TAFA1: variants seen among roughly 807,000 people sequenced by gnomAD.
TAFA1 encodes TAFA chemokine like family member 1.
Under a neutral mutation model 18.5 loss-of-function variants are expected in TAFA1, and 4 were observed. The observed-to-expected ratio is 0.22, with a 90% CI of 0.11 to 0.49. The LOEUF (loss-of-function observed/expected upper bound fraction) is 0.49. Ranked by LOEUF, TAFA1 falls within the 20% of genes least tolerant of loss-of-function variation. TAFA1 has a pLI of 0.98. For missense variants in TAFA1, 147 were observed against 169.0 expected (o/e 0.87, Z 0.72); for synonymous variants, 56 against 55.2 (o/e 1.01, Z -0.06).
intron 2 of TAFA1, among the ~76,000 whole-genome samples, chr3:68,162,052 C>G (rs2065931272): frequency 6.6e-6 from 1 of 152,192 alleles, no homozygotes; most frequent in African/African-American, 2.4e-5. Flanking sequence ...GTTCTCTACT[C>G]TTTGGCTCTT....
chr3:68,230,480 CA>C (rs2066859443), intron 2 of TAFA1, among the ~76,000 whole-genome samples: 1 of 152,134 alleles, frequency 6.6e-6, no homozygotes, highest in African/African-American at 2.4e-5. Context: ...AATAGTATTT[CA>C]TTGTGTATAT....
intron 2 of TAFA1, among the ~76,000 whole-genome samples, chr3:68,340,563 C>A (rs746090063): frequency 6.6e-6 from 1 of 152,138 alleles, no homozygotes; most frequent in Admixed American, 6.5e-5. Flanking sequence ...CTGACCTCTC[C>A]CCCTGGAGTT....
intron 2 of TAFA1, among the ~76,000 whole-genome samples, chr3:68,346,853 A>G (rs1476981145): frequency 6.6e-6 from 1 of 152,190 alleles, no homozygotes; most frequent in African/African-American, 2.4e-5. Context: ...ATGTTTTAGT[A>G]TGCTGGGGTG....
intron 2 of TAFA1, among the ~76,000 whole-genome samples, chr3:68,043,283 G>A (rs1296904096): frequency 1.3e-5 from 2 of 152,192 alleles, no homozygotes; most frequent in Non-Finnish European, 2.9e-5. Flanking sequence ...TGATTCTGCT[G>A]CTACTTACTT....
intron 3 of TAFA1, among the ~76,000 whole-genome samples, chr3:68,478,120 C>T (rs1037922365): frequency 6.6e-6 from 1 of 152,190 alleles, no homozygotes; most frequent in African/African-American, 2.4e-5. Context: ...CAGACGTATT[C>T]CTTGTGATTC....
chr3:67,997,908 C>A, the TAFA1 span, among the ~76,000 whole-genome samples: 1 of 151,846 alleles, frequency 6.6e-6, no homozygotes, highest in South Asian at 2.1e-4. Context: ...GAAACAAAAG[C>A]ACAATACTTT....
At chr3:68,378,119 C>G (rs926004327) in intron 2 of TAFA1, among the ~76,000 whole-genome samples, 5 of 152,188 alleles carry the variant, frequency 3.3e-5, no homozygotes, top group African/African-American at 4.8e-5. Flanking sequence ...CCCACTAGGG[C>G]ACTGCCTAGG....
intron 2 of TAFA1, among the ~76,000 whole-genome samples, chr3:68,279,882 G>A (rs972317896): frequency 1.2e-4 from 18 of 152,034 alleles, no homozygotes; most frequent in African/African-American, 4.3e-4. Flanking sequence ...CTTGACTTTG[G>A]AGAAATTTCA....
chr3:68,005,852 G>C (rs1301828912), intron 1 of TAFA1, among the ~76,000 whole-genome samples: 2 of 152,158 alleles, frequency 1.3e-5, no homozygotes, highest in Admixed American at 6.5e-5. Flanking sequence ...ATCCTCATAG[G>C]TGCAGATAAG....
chr3:68,319,403 C>G (rs1244672677), intron 2 of TAFA1, among the ~76,000 whole-genome samples: 1 of 152,044 alleles, frequency 6.6e-6, no homozygotes, highest in Non-Finnish European at 1.5e-5. Flanking sequence ...ATGACTGATG[C>G]TTGGTTGGGG....
At chr3:68,084,127 G>A (rs2064941843) in intron 2 of TAFA1, among the ~76,000 whole-genome samples, 1 of 152,126 alleles carries the variant, frequency 6.6e-6, no homozygotes, top group Admixed American at 6.5e-5. Context: ...TGATGTGATG[G>A]GTATACTACA....
chr3:68,061,362 CT>C (rs1324540807), intron 2 of TAFA1, among the ~76,000 whole-genome samples: 3 of 152,112 alleles, frequency 2.0e-5, no homozygotes, highest in Non-Finnish European at 2.9e-5. Context: ...TTCAGGAATT[CT>C]ACATGTAATT....
intron 2 of TAFA1, among the ~76,000 whole-genome samples, chr3:68,104,478 A>T (rs2065183108): frequency 6.6e-6 from 1 of 152,012 alleles, no homozygotes; most frequent in South Asian, 2.1e-4. Context: ...CCTAGAATAT[A>T]TATAGTCTGC....
At chr3:68,503,810 G>A (rs1435435054) in intron 3 of TAFA1, among the ~76,000 whole-genome samples, 2 of 152,104 alleles carry the variant, frequency 1.3e-5, no homozygotes, top group Non-Finnish European at 2.9e-5. Flanking sequence ...TGGAAAGAGA[G>A]TTAATGGAAC....
At chr3:68,413,648 G>A (rs1180521494) in intron 2 of TAFA1, among the ~76,000 whole-genome samples, 4 of 152,066 alleles carry the variant, frequency 2.6e-5, no homozygotes, top group Admixed American at 6.6e-5. Context: ...AAAACAATAA[G>A]AATCCATGTT....
At chr3:68,201,402 TGTG>T (rs1165928505) in intron 2 of TAFA1, among the ~76,000 whole-genome samples, 1 of 151,698 alleles carries the variant, frequency 6.6e-6, no homozygotes, top group Non-Finnish European at 1.5e-5. Context: ...CTGGTTCACT[TGTG>T]GTGGTGGTGA....
chr3:68,524,932 A>G (rs1283973037), intron 3 of TAFA1, among the ~76,000 whole-genome samples: 2 of 152,064 alleles, frequency 1.3e-5, no homozygotes, highest in Non-Finnish European at 2.9e-5. Context: ...CAGCCTCCCA[A>G]AGTGCTGGGA....
intron 2 of TAFA1, among the ~76,000 whole-genome samples, chr3:68,226,596 C>G (rs975528305): frequency 6.6e-6 from 1 of 151,970 alleles, no homozygotes; most frequent in East Asian, 1.9e-4. Context: ...GAGGCAGCCT[C>G]ATCATTGCTT....
Position 68,231,551 on chromosome 3 carries a change from G to A in TAFA1, c.119-185729G>A, listed in dbSNP as rs539256743. Among the ~76,000 whole-genome samples the A allele has an allele frequency of 1.3e-3, 197 of 150,268 alleles. 1 individual carries two copies. Among genetic ancestry groups the A allele is most frequent in the African/African-American group, 4.5e-3 (184 of 40,892 alleles). ...AATTTTTTGTATTTTTAGTAGAGAC[G>A]GGGTTTCACCTTGTTAGCCAGGATG... On this transcript the variant is annotated intron_variant, in intron 2 of 4. Transcript: ENST00000478136.
Sources: allele counts gnomAD v4.1 joint callset (sites outside exome capture counted in the v4.1 genomes callset), GRCh38; gene constraint gnomAD v4.1.1; transcripts MANE v1.5; gene names NCBI Gene and HGNC (gene_info 2026-07-23, HGNC 2026-07-21).